Variants in KDM4C observed in about 807,000 individuals in gnomAD.
The protein encoded by KDM4C is lysine demethylase 4C, also known as lysine-specific demethylase 4C.
A neutral mutation model predicts 129.3 loss-of-function variants in KDM4C; 81 were observed. That is an observed-to-expected ratio of 0.63 (90% CI 0.52 to 0.75). KDM4C has a LOEUF of 0.75. Ranked by LOEUF, KDM4C falls within the 30% of genes least tolerant of loss-of-function variation. The pLI, the probability that KDM4C is intolerant of heterozygous loss-of-function variation, is 0.00. For synonymous variants in KDM4C, 573 were observed against 456.1 expected, an observed-to-expected ratio of 1.26 and a Z score of -3.26; for missense variants, 1,457 against 1,304.0, an observed-to-expected ratio of 1.12 and a Z score of -1.81.
rs767601266 is a variant in KDM4C, at chr9:7,076,420, A to G, written c.2424+27220A>G. The G allele has an allele frequency of 2.6e-6, 4 of 1,533,276 alleles. No homozygotes were observed. In the South Asian group the frequency reaches 3.6e-5, roughly 14 times the overall value. The allele number at this position is 1,533,276 out of a possible 1,614,324, so 95.0% of individuals were successfully genotyped here. A position where few individuals can be genotyped will look rare whatever the true frequency, so the allele number is the denominator to read the frequency against. ...GGCATATTGGACTTTTAAAATTTGC[A>G]TTGTGTTTTTCAGGGAAGGCTGGGA... On this transcript the variant is annotated intron_variant, in intron 17 of 21. Transcript: ENST00000381309.
At chr9:7,064,342 C>G (rs1313361806) in intron 17 of KDM4C, among the ~76,000 whole-genome samples, 1 of 152,028 alleles carries the variant, frequency 6.6e-6, no homozygotes, top group Non-Finnish European at 1.5e-5. Flanking sequence ...CAATTTTGCC[C>G]TTTTCTTTAA....
intron 1 of KDM4C, among the ~76,000 whole-genome samples, chr9:6,737,298 A>C (rs1817553936): frequency 6.6e-6 from 1 of 152,092 alleles, no homozygotes; most frequent in Non-Finnish European, 1.5e-5. Flanking sequence ...ACAAAGGTCT[A>C]ATATCGAGAA....
intron 19 of KDM4C, among the ~76,000 whole-genome samples, chr9:7,133,332 C>T (rs1249490932): frequency 6.6e-6 from 1 of 152,084 alleles, no homozygotes; most frequent in Non-Finnish European, 1.5e-5. Context: ...TAGATGAGAA[C>T]CTGTACTTGT....
At chr9:7,080,697 AT>A (rs1302454249) in intron 17 of KDM4C, among the ~76,000 whole-genome samples, 16 of 152,362 alleles carry the variant, frequency 1.1e-4, no homozygotes, top group Admixed American at 1.0e-3. Flanking sequence ...GACAAAAAAT[AT>A]AATTTAAGCG....
chr9:7,028,321 C>G (rs1241353415), intron 15 of KDM4C, among the ~76,000 whole-genome samples: 1 of 151,824 alleles, frequency 6.6e-6, no homozygotes, highest in Non-Finnish European at 1.5e-5. Flanking sequence ...CTTGCCAATA[C>G]TGGGTCCATT....
intron 1 of KDM4C, among the ~76,000 whole-genome samples, chr9:6,762,749 C>G (rs111434501): frequency 0.16 from 23,467 of 150,922 alleles, 2,108 homozygotes; most frequent in East Asian, 0.4. Flanking sequence ...ACCTCCACCT[C>G]CTGGGTTCAA....
At chr9:6,891,631 C>T (rs1304807154) in intron 7 of KDM4C, among the ~76,000 whole-genome samples, 1 of 152,014 alleles carries the variant, frequency 6.6e-6, no homozygotes, top group East Asian at 1.9e-4. Flanking sequence ...ACAAATTGTA[C>T]ACTTTAAATG....
At chr9:6,812,792 C>T (rs747227376) in intron 3 of KDM4C, among the ~76,000 whole-genome samples, 1 of 152,198 alleles carries the variant, frequency 6.6e-6, no homozygotes, top group Non-Finnish European at 1.5e-5. Flanking sequence ...TAGCTTGTGC[C>T]TGGAATTCCC....
chr9:6,787,078 G>A (rs1286550709), intron 1 of KDM4C, among the ~76,000 whole-genome samples: 1 of 152,152 alleles, frequency 6.6e-6, no homozygotes, highest in Non-Finnish European at 1.5e-5. Context: ...AAATAGTTTT[G>A]TGTAATCAAG....
chr9:6,907,934 C>CAA (rs1393913012), intron 8 of KDM4C, among the ~76,000 whole-genome samples: 2 of 152,122 alleles, frequency 1.3e-5, no homozygotes, highest in African/African-American at 4.8e-5. Context: ...ATTTTCTACT[C>CAA]AAAGATTCAT....
chr9:7,051,216 A>G (rs1564045776), intron 17 of KDM4C, among the ~76,000 whole-genome samples: 2 of 152,288 alleles, frequency 1.3e-5, no homozygotes, highest in East Asian at 1.9e-4. Context: ...TGGAATAATA[A>G]TACGAGGAGC....
At chr9:7,029,333 G>C (rs906125515) in intron 15 of KDM4C, among the ~76,000 whole-genome samples, 1 of 146,268 alleles carries the variant, frequency 6.8e-6, no homozygotes, top group Non-Finnish European at 1.5e-5. Context: ...AAATTGTTAA[G>C]GCTAAGTATT....
At chr9:7,011,380 T>C (rs1237058283) in intron 12 of KDM4C, among the ~76,000 whole-genome samples, 1 of 152,156 alleles carries the variant, frequency 6.6e-6, no homozygotes, top group Admixed American at 6.5e-5. Flanking sequence ...TTGGAGCTTT[T>C]ACCGTAGCAG....
chr9:6,919,217 T>TC (rs1563811950), intron 8 of KDM4C, among the ~76,000 whole-genome samples: 24 of 91,956 alleles, frequency 2.6e-4, no homozygotes, highest in South Asian at 6.9e-4. Context: ...CTGAATTTTC[T>TC]TTTTCCTTCT....
rs1329427106 is a variant in KDM4C at position 6,968,620 on chromosome 9, G to T, written c.922-12305G>T. Among the ~76,000 whole-genome samples, 6 of 152,314 alleles carry T rather than the reference G, an allele frequency of 3.9e-5. No individual in the cohort carries two copies. The East Asian group carries it at 9.6e-4, about 24-fold the overall frequency. ...CCCTTCTGCGTTATAAGTTTACTTT[G>T]TTGGAACTGCTAGAATAATTCCAAA... On this transcript the variant is annotated intron_variant, in intron 8 of 21. Coordinates refer to ENST00000381309, the MANE Select transcript of KDM4C (RefSeq NM_015061.6).
chr9:6,787,014 G>A (rs184223684), intron 1 of KDM4C, among the ~76,000 whole-genome samples: 3 of 152,226 alleles, frequency 2.0e-5, no homozygotes, highest in Admixed American at 2.0e-4. Context: ...ATTGAAAAAG[G>A]TCTAAAACCT....
At chr9:7,112,515 T>G (rs552449367) in intron 18 of KDM4C, among the ~76,000 whole-genome samples, 5 of 152,212 alleles carry the variant, frequency 3.3e-5, no homozygotes, top group East Asian at 3.9e-4. Context: ...GTAAATCAGA[T>G]GTAGTGGGGA....
chr9:6,882,643 C>T (rs924561691), intron 6 of KDM4C, among the ~76,000 whole-genome samples: 1 of 152,098 alleles, frequency 6.6e-6, no homozygotes, highest in Non-Finnish European at 1.5e-5. Context: ...TGAGTCAATT[C>T]TTTTAGATCC....
intron 1 of KDM4C, among the ~76,000 whole-genome samples, chr9:6,760,072 C>T (rs1198770797): frequency 6.6e-6 from 1 of 151,904 alleles, no homozygotes; most frequent in Non-Finnish European, 1.5e-5. Context: ...CCAAAAGAAG[C>T]TCTGTTCCTA....
Sources: gnomAD v4.1 joint callset for allele counts (sites outside exome capture counted in the v4.1 genomes callset) on GRCh38, gnomAD v4.1.1 for gene constraint, MANE v1.5 for transcripts, NCBI Gene and HGNC (gene_info 2026-07-23, HGNC 2026-07-21) for gene names.